The following MOK variants were observed in gnomAD, a reference collection of about 807,000 sequenced individuals.
MOK encodes MOK protein kinase.
In MOK, 59 loss-of-function variants were observed where a neutral mutation model predicts 54.2. That is an observed-to-expected ratio of 1.09 (90% CI 0.88 to 1.35). MOK has a LOEUF of 1.35. Ranked by LOEUF, MOK falls within the 40% of genes most tolerant of loss-of-function variation. MOK has a pLI of 0.00. For missense variants in MOK, 517 were observed against 526.2 expected (o/e 0.98, Z 0.17); for synonymous variants, 210 against 202.7 (o/e 1.04, Z -0.31).
intron 1 of MOK, among the ~76,000 whole-genome samples, chr14:102,293,368 G>A (rs1178697094): frequency 6.6e-6 from 1 of 152,106 alleles, no homozygotes; most frequent in East Asian, 1.9e-4. Flanking sequence ...TGAAAAAAAG[G>A]ATGATAATGA....
At chr14:102,293,068 G>A (rs552752791) in intron 1 of MOK, among the ~76,000 whole-genome samples, 1 of 152,298 alleles carries the variant, frequency 6.6e-6, no homozygotes, top group African/African-American at 2.4e-5. Flanking sequence ...GGGAGGCGGA[G>A]GTTGCAGTGA....
chr14:102,296,245 CAA>C (rs35588317), intron 1 of MOK, among the ~76,000 whole-genome samples: 6 of 61,618 alleles, frequency 9.7e-5, no homozygotes, highest in Non-Finnish European at 1.4e-4. Flanking sequence ...GAGTACGTCT[CAA>C]AAAAAAAAAA....
At chr14:102,280,373 T>G (rs1240372468) in intron 2 of MOK, among the ~76,000 whole-genome samples, 1 of 152,068 alleles carries the variant, frequency 6.6e-6, no homozygotes, top group African/African-American at 2.4e-5. Context: ...CGCGCCCGGC[T>G]GATTTTTAAA....
Position 102,229,588 on chromosome 14 carries a change from T to G in MOK, c.1051A>C (p.Lys351Gln), listed in dbSNP as rs374806877. 3.7e-5 allele frequency: 60 copies of G among 1,614,096 alleles called. No homozygotes were observed. Among genetic ancestry groups the G allele is most frequent in the Admixed American group, 1.7e-5 (1 of 60,008 alleles). The change falls in exon 11 of 12, where the codon AAA (lysine) becomes CAA (glutamine). Residue 351 changes from lysine (K) to glutamine (Q), a missense_variant. Physicochemically the swap from Lys to Gln is moderately conservative, Grantham distance 53. Coordinates refer to ENST00000361847, the MANE Select transcript of MOK (RefSeq NM_014226.3). ...RGPAYVMELP[K>Q]LKLSGVVRLS... ...CTGACCACTCCCGAAAGCTTTAGTT[T>G]GGGCAGTTCCATGACATAGGCCGGT...
chr14:102,232,408 A>G lies in MOK; in HGVS notation c.866+127T>C. The G allele has an allele frequency of 8.7e-7, 1 of 1,155,778 alleles. No individual in the cohort carries two copies. The highest frequency in any genetic ancestry group is 2.4e-5 in the East Asian group (1 of 41,468). 71.6% of individuals were successfully genotyped at this position (1,155,778 alleles called of 1,614,324 possible). ...CCCCAAGAGGCCCTGACCACTCTTCAGGATAGAGAGCGCGATTCCCAAGAA... is the reference window on the plus strand; with the variant it reads ...CCCCAAGAGGCCCTGACCACTCTTCGGGATAGAGAGCGCGATTCCCAAGAA... On this transcript the variant is annotated intron_variant, in intron 9 of 11. Transcript: ENST00000361847. This position sits in a 1 kb window ranked among gnomAD's most constrained non-coding sequence, Gnocchi z 5.1.
intron 1 of MOK, among the ~76,000 whole-genome samples, chr14:102,297,173 C>G (rs1053053152): frequency 6.6e-6 from 1 of 151,920 alleles, no homozygotes; most frequent in Non-Finnish European, 1.5e-5. Flanking sequence ...CTGGCTAACA[C>G]GGTGAAACCC....
chr14:102,243,314 C>A (rs2065856432), intron 7 of MOK, among the ~76,000 whole-genome samples: 1 of 152,218 alleles, frequency 6.6e-6, no homozygotes, highest in Admixed American at 6.5e-5. Context: ...GCTGCTCCCA[C>A]ACTAGCTCTC....
chr14:102,243,625 G>C (rs934650653), intron 7 of MOK, among the ~76,000 whole-genome samples: 3 of 152,084 alleles, frequency 2.0e-5, no homozygotes, highest in Admixed American at 2.0e-4. Flanking sequence ...TCCTTCAGCT[G>C]TACTCACTCT....
rs948186641 is a variant in MOK, at chr14:102,238,613, C to T, written c.591-4824G>A. ...CCCCTGCAGTCCAACCTCAGTACCC[C>T]CCACTGAAAAAGCCTCATTACTATA... On this transcript the variant is annotated intron_variant, in intron 7 of 11. Transcript: ENST00000361847. The surrounding 1 kb of genome is among the most constrained non-coding windows in gnomAD (Gnocchi z 4.8). 6.6e-6 allele frequency among the ~76,000 whole-genome samples: 1 copy of T among 152,072 alleles called. No individual in the cohort carries two copies. The highest frequency in any genetic ancestry group is 1.5e-5 in the Non-Finnish European group (1 of 68,004).
At position 102,231,475 on chromosome 14, in the gene MOK, T is replaced by C. The variant is rs2064696769; in HGVS notation, c.981+232A>G. ...TCTCTGGGCCTGCTCACATGGGATATTCGTCATCAATTCTTAGCTACTGGG... is the reference window on the plus strand; with the variant it reads ...TCTCTGGGCCTGCTCACATGGGATACTCGTCATCAATTCTTAGCTACTGGG... On this transcript the variant is annotated intron_variant, in intron 10 of 11. Coordinates refer to ENST00000361847, the MANE Select transcript of MOK (RefSeq NM_014226.3). The surrounding 1 kb of genome is among the most constrained non-coding windows in gnomAD (Gnocchi z 4.4). 2.0e-6 allele frequency: 1 copy of C among 498,608 alleles called. No individual in the cohort carries two copies. The allele number at this position is 498,608 out of a possible 1,614,324, so 30.9% of individuals were successfully genotyped here. A position where few individuals can be genotyped will look rare whatever the true frequency, so the allele number is the denominator to read the frequency against.
At chr14:102,274,419 T>G (rs1309734322) in intron 2 of MOK, among the ~76,000 whole-genome samples, 5 of 151,786 alleles carry the variant, frequency 3.3e-5, no homozygotes, top group Non-Finnish European at 5.9e-5. Context: ...TACACTTGGC[T>G]AATTTTTGTT....
intron 2 of MOK, among the ~76,000 whole-genome samples, chr14:102,282,969 G>T (rs964489902): frequency 6.9e-6 from 1 of 145,962 alleles, no homozygotes; most frequent in Non-Finnish European, 1.5e-5. Context: ...CACGAGAATC[G>T]CTTGAACTGG....
In MOK at chr14:102,232,421, C is replaced by A; in HGVS notation, c.866+114G>T. The A allele has an allele frequency of 7.8e-7, 1 of 1,279,376 alleles. No homozygotes were observed. Among genetic ancestry groups the A allele is most frequent in the Non-Finnish European group, 1.1e-6 (1 of 928,714 alleles). 79.3% of individuals were successfully genotyped at this position (1,279,376 alleles called of 1,614,324 possible). On this transcript the variant is annotated intron_variant, in intron 9 of 11. Transcript: ENST00000361847. This position sits in a 1 kb window ranked among gnomAD's most constrained non-coding sequence, Gnocchi z 5.1. ...TGACCACTCTTCAGGATAGAGAGCG[C>A]GATTCCCAAGAACCAGGGACCCTCC...
the MOK span, among the ~76,000 whole-genome samples, chr14:102,215,894 C>T: frequency 2.6e-5 from 4 of 152,170 alleles, no homozygotes; most frequent in East Asian, 1.9e-4. Context: ...ATCTGAGCAG[C>T]GCCCTGGCAC....
chr14:102,223,931 C>T (rs1187867434), downstream of MOK, among the ~76,000 whole-genome samples: 1 of 152,124 alleles, frequency 6.6e-6, no homozygotes, highest in Admixed American at 6.5e-5. Context: ...CCATACAACT[C>T]CGAGTCCTCC....
chr14:102,225,681 G>C (rs79792322), downstream of MOK: 2 of 154,728 alleles, frequency 1.3e-5, no homozygotes, highest in Non-Finnish European at 2.9e-5. Context: ...TCAGGAATAA[G>C]TCTTTATTTT....
Position 102,236,522 on chromosome 14 carries a change from C to T in MOK, c.591-2733G>A, listed in dbSNP as rs2065236387. Among the ~76,000 whole-genome samples the T allele has an allele frequency of 6.6e-6, 1 of 152,162 alleles. No individual in the cohort carries two copies. The highest frequency in any genetic ancestry group is 1.5e-5 in the Non-Finnish European group (1 of 68,028). On this transcript the variant is annotated intron_variant, in intron 7 of 11. Transcript: ENST00000361847. The surrounding 1 kb of genome is among the most constrained non-coding windows in gnomAD (Gnocchi z 4.5). ...CCCCATCCTAGGCCAAATTCAAAGC[C>T]AAATTCAAATTCAAATTTTGGCCAA...
chr14:102,266,819 T>G (rs1406107099), intron 2 of MOK, among the ~76,000 whole-genome samples: 1 of 152,152 alleles, frequency 6.6e-6, no homozygotes, highest in Non-Finnish European at 1.5e-5. Flanking sequence ...TGACCTCAGG[T>G]GATCCACCCA....
chr14:102,258,720 A>G (rs554910693), intron 4 of MOK, among the ~76,000 whole-genome samples: 8 of 152,260 alleles, frequency 5.3e-5, no homozygotes, highest in African/African-American at 1.9e-4. Flanking sequence ...TACCCCAGCA[A>G]TTCCTTTTCT....
Sources: allele counts gnomAD v4.1 joint callset (sites outside exome capture counted in the v4.1 genomes callset), GRCh38; gene constraint gnomAD v4.1.1; non-coding constraint Gnocchi (gnomAD v3.1); transcripts MANE v1.5; gene names NCBI Gene and HGNC (gene_info 2026-07-23, HGNC 2026-07-21).